The following LMBR1 variants were observed in gnomAD, a reference collection of about 807,000 sequenced individuals.
The protein encoded by LMBR1 is limb region 1 protein homolog.
In LMBR1, 52 loss-of-function variants were observed where a neutral mutation model predicts 73.9. The observed-to-expected ratio is 0.70, with a 90% CI of 0.56 to 0.89. The LOEUF (loss-of-function observed/expected upper bound fraction) is 0.89. LMBR1 is among the 40% of genes least tolerant of loss of function. LMBR1 has a pLI of 0.00. For missense variants in LMBR1, 539 were observed against 579.8 expected, an observed-to-expected ratio of 0.93 and a Z score of 0.72; for synonymous variants, 215 against 209.4, an observed-to-expected ratio of 1.03 and a Z score of -0.23.
At chr7:156,715,575 C>G (rs1813032242) in intron 15 of LMBR1, among the ~76,000 whole-genome samples, 2 of 152,056 alleles carry the variant, frequency 1.3e-5, no homozygotes, top group African/African-American at 4.8e-5. Flanking sequence ...TTGGTACTAC[C>G]CATCCCCAGA....
intron 5 of LMBR1, among the ~76,000 whole-genome samples, chr7:156,778,295 C>T (rs80005641): frequency 0.032 from 4,840 of 152,234 alleles, 122 homozygotes; most frequent in South Asian, 0.084. Flanking sequence ...AAGGCTGCCA[C>T]GGTACAAGCC....
At chr7:156,830,748 G>A (rs1269451977) in intron 3 of LMBR1, among the ~76,000 whole-genome samples, 1 of 152,224 alleles carries the variant, frequency 6.6e-6, no homozygotes, top group African/African-American at 2.4e-5. Context: ...CGGTAACACT[G>A]TCAGGATCAC....
At chr7:156,788,442 T>C (rs1828553691) in intron 5 of LMBR1, among the ~76,000 whole-genome samples, 1 of 152,066 alleles carries the variant, frequency 6.6e-6, no homozygotes, top group Non-Finnish European at 1.5e-5. Flanking sequence ...TTATAGGCAT[T>C]AGTTAAGCAA....
At chr7:156,804,631 T>C (rs1831664469) in intron 4 of LMBR1, among the ~76,000 whole-genome samples, 1 of 152,246 alleles carries the variant, frequency 6.6e-6, no homozygotes, top group East Asian at 1.9e-4. Context: ...ATGAGCTTAT[T>C]TGCCATCTAT....
At chr7:156,735,711 T>C (rs887444900) in intron 9 of LMBR1, among the ~76,000 whole-genome samples, 3 of 152,204 alleles carry the variant, frequency 2.0e-5, no homozygotes, top group African/African-American at 7.2e-5. Flanking sequence ...TTGTTTCTAA[T>C]GCCTTTCAAC....
Position 156,796,404 on chromosome 7 carries a change from A to G in LMBR1, c.408T>C (p.Phe136=). ...FAFFFLESEG[F]AGLKKGIRAR... is the part of the protein sequence containing the mutation. ...ATTCACTTACCTTTTTCAGGCCAGC[A>G]AAGCCTTCTGATTCCAGAAAGAAAA... Residue 136 remains phenylalanine (F), a synonymous_variant, in exon 5 of 17, where the codon TTT becomes TTC. Coordinates refer to ENST00000353442, the MANE Select transcript of LMBR1 (RefSeq NM_022458.4). 6.2e-7 allele frequency: 1 copy of G among 1,603,530 alleles called. No homozygotes were observed. Among genetic ancestry groups the G allele is most frequent in the Non-Finnish European group, 8.5e-7 (1 of 1,175,834 alleles).
intron 15 of LMBR1, among the ~76,000 whole-genome samples, chr7:156,716,053 A>T (rs968443460): frequency 6.6e-6 from 1 of 152,234 alleles, no homozygotes; most frequent in African/African-American, 2.4e-5. Context: ...AACATCAAAA[A>T]TACTTATTAA....
chr7:156,869,551 C>CA (rs1798966045), intron 1 of LMBR1, among the ~76,000 whole-genome samples: 1 of 151,872 alleles, frequency 6.6e-6, no homozygotes, highest in Non-Finnish European at 1.5e-5. Flanking sequence ...CCTACAAATA[C>CA]AAAAAATCAG....
chr7:156,883,460 T>C (rs1001758852), intron 1 of LMBR1, among the ~76,000 whole-genome samples: 5 of 152,128 alleles, frequency 3.3e-5, no homozygotes, highest in African/African-American at 4.8e-5. Flanking sequence ...GTAATTAGAA[T>C]GTCCCAGTTT....
At chr7:156,886,881 T>C (rs1013384754) in intron 1 of LMBR1, among the ~76,000 whole-genome samples, 1 of 152,180 alleles carries the variant, frequency 6.6e-6, no homozygotes, top group African/African-American at 2.4e-5. Context: ...GCTGGTCAGC[T>C]GTGTTTAAAC....
At chr7:156,804,863 C>A (rs1469153073) in intron 4 of LMBR1, among the ~76,000 whole-genome samples, 1 of 151,890 alleles carries the variant, frequency 6.6e-6, no homozygotes, top group African/African-American at 2.4e-5. Context: ...CCATTTTTTT[C>A]TTTTATGGAT....
intron 5 of LMBR1, among the ~76,000 whole-genome samples, chr7:156,785,919 T>A (rs990047654): frequency 6.6e-5 from 10 of 152,176 alleles, no homozygotes; most frequent in African/African-American, 2.2e-4. Context: ...TACATGTCCC[T>A]AACACTAACA....
At chr7:156,788,949 G>A (rs1828683247) in intron 5 of LMBR1, among the ~76,000 whole-genome samples, 1 of 152,136 alleles carries the variant, frequency 6.6e-6, no homozygotes, top group Non-Finnish European at 1.5e-5. Flanking sequence ...TTGGAAGGCT[G>A]AGGCAGGAGA....
At chr7:156,759,348 T>G (rs1822536592) in intron 8 of LMBR1, among the ~76,000 whole-genome samples, 1 of 152,228 alleles carries the variant, frequency 6.6e-6, no homozygotes, top group Non-Finnish European at 1.5e-5. Context: ...TTTACAGCTC[T>G]GGAGCTTACA....
chr7:156,766,053 T>C (rs1824018415), intron 5 of LMBR1, among the ~76,000 whole-genome samples: 1 of 152,166 alleles, frequency 6.6e-6, no homozygotes, highest in Non-Finnish European at 1.5e-5. Context: ...TCCTTTGATA[T>C]TCTGGTAAGA....
intron 15 of LMBR1, 114 bp from the exon 16 acceptor site, chr7:156,688,305 G>A (rs922198206): frequency 5.9e-5 from 40 of 680,786 alleles, no homozygotes; most frequent in South Asian, 5.0e-4. Context: ...CTTCTGTGAC[G>A]TGAGATGCTC....
intron 5 of LMBR1, among the ~76,000 whole-genome samples, chr7:156,780,590 T>C (rs1384342364): frequency 6.6e-6 from 1 of 152,212 alleles, no homozygotes; most frequent in Non-Finnish European, 1.5e-5. Context: ...TTTCTTCTAT[T>C]TTTGTTCTAA....
intron 5 of LMBR1, among the ~76,000 whole-genome samples, chr7:156,774,688 C>T (rs1231467123): frequency 4.6e-5 from 7 of 151,896 alleles, no homozygotes; most frequent in Admixed American, 1.3e-4. Context: ...ACAAATTAGC[C>T]GGGCGTGGTG....
intron 15 of LMBR1, among the ~76,000 whole-genome samples, chr7:156,702,248 A>G (rs938103626): frequency 6.6e-6 from 1 of 152,220 alleles, no homozygotes; most frequent in Non-Finnish European, 1.5e-5. Flanking sequence ...ACAACAGTGT[A>G]AAAGTGTTCC....
Sources: gnomAD v4.1 joint callset for allele counts (sites outside exome capture counted in the v4.1 genomes callset) on GRCh38, gnomAD v4.1.1 for gene constraint, MANE v1.5 for transcripts, NCBI Gene and HGNC (gene_info 2026-07-23, HGNC 2026-07-21) for gene names.